Variants in ALCAM observed in about 807,000 individuals in gnomAD.
ALCAM encodes CD166 antigen.
Under a neutral mutation model 70.9 loss-of-function variants are expected in ALCAM, and 30 were observed. That is an observed-to-expected ratio of 0.42 (90% CI 0.32 to 0.57). The LOEUF (loss-of-function observed/expected upper bound fraction) is 0.57. Ranked by LOEUF, ALCAM falls within the 20% of genes least tolerant of loss-of-function variation. The pLI is 0.11. For missense variants in ALCAM, 591 were observed against 695.1 expected, an observed-to-expected ratio of 0.85 and a Z score of 1.68; for synonymous variants, 249 against 242.5, an observed-to-expected ratio of 1.03 and a Z score of -0.25.
At chr3:105,473,775 A>G (rs1205482101) in intron 1 of ALCAM, among the ~76,000 whole-genome samples, 3 of 151,590 alleles carry the variant, frequency 2.0e-5, no homozygotes, top group African/African-American at 4.8e-5. Flanking sequence ...GGCACATTCC[A>G]TCTTCTACAC....
Position 105,547,174 on chromosome 3 carries a change from C to T in ALCAM, c.1130C>T (p.Pro377Leu), listed in dbSNP as rs374209704. 5 of 1,600,788 alleles carry T rather than the reference C, an allele frequency of 3.1e-6. No individual in the cohort carries two copies. The highest frequency in any genetic ancestry group is 1.4e-5 in the African/African-American group (1 of 73,886). ...GATAACATCAGGCTTCGATCTAGCC[C>T]GTCATTTTCTAGTCTTCATTATCAG... is the stretch of plus-strand genomic sequence containing the variant. ...MKDNIRLRSS[P>L]SFSSLHYQDA... The change falls in exon 10 of 16, where the codon CCG (proline) becomes CTG (leucine). Residue 377 changes from proline (P) to leucine (L), a missense_variant. Around this residue, in one of 2 missense-constraint regions of ALCAM, gnomAD observed 164 missense variants for 244.7 expected, o/e 0.67. Transcript: ENST00000306107.
chr3:105,495,051 C>G (rs574170141), intron 1 of ALCAM, among the ~76,000 whole-genome samples: 1 of 152,302 alleles, frequency 6.6e-6, no homozygotes, highest in South Asian at 2.1e-4. Context: ...TCTTGGTGCA[C>G]TAAAGCCTAA....
intron 14 of ALCAM, chr3:105,553,194 C>T: frequency 2.6e-6 from 2 of 771,972 alleles, no homozygotes; most frequent in Non-Finnish European, 3.1e-6. Flanking sequence ...TATGATATTA[C>T]AGATAGTATG....
chr3:105,566,342 C>T (rs917501148), intron 14 of ALCAM, among the ~76,000 whole-genome samples: 1 of 152,046 alleles, frequency 6.6e-6, no homozygotes, highest in African/African-American at 2.4e-5. Context: ...TTTATTTCTC[C>T]CTTCAGTTCT....
chr3:105,403,326 AG>A (rs374489892), intron 1 of ALCAM, among the ~76,000 whole-genome samples: 42 of 152,250 alleles, frequency 2.8e-4, no homozygotes, highest in African/African-American at 9.9e-4. Flanking sequence ...AAACACAACC[AG>A]GGACCCTTAT....
chr3:105,523,599 G>A (rs1190031424), intron 2 of ALCAM, among the ~76,000 whole-genome samples: 1 of 152,194 alleles, frequency 6.6e-6, no homozygotes, highest in Non-Finnish European at 1.5e-5. Context: ...TGCGTTATAT[G>A]TCTCAGTGCT....
chr3:105,444,217 G>A (rs1376052373), intron 1 of ALCAM, among the ~76,000 whole-genome samples: 1 of 152,180 alleles, frequency 6.6e-6, no homozygotes, highest in Non-Finnish European at 1.5e-5. Flanking sequence ...CTGCTATAAA[G>A]AAATACCCAA....
intron 1 of ALCAM, among the ~76,000 whole-genome samples, chr3:105,498,520 T>C (rs1226428674): frequency 6.6e-6 from 1 of 151,974 alleles, no homozygotes; most frequent in Non-Finnish European, 1.5e-5. Context: ...TGTGTGTGTG[T>C]TTTAATCATC....
At chr3:105,414,026 T>C (rs1936450242) in intron 1 of ALCAM, among the ~76,000 whole-genome samples, 2 of 152,278 alleles carry the variant, frequency 1.3e-5, no homozygotes, top group Non-Finnish European at 1.5e-5. Flanking sequence ...GATATAGTTC[T>C]GCTACTTAGT....
At chr3:105,567,660 T>G (rs1940772225) in intron 14 of ALCAM, among the ~76,000 whole-genome samples, 1 of 152,206 alleles carries the variant, frequency 6.6e-6, no homozygotes, top group South Asian at 2.1e-4. Flanking sequence ...CTGCTGATAT[T>G]TCCATCTGCT....
intron 11 of ALCAM, among the ~76,000 whole-genome samples, chr3:105,548,626 T>C (rs1940312383): frequency 6.6e-6 from 1 of 151,372 alleles, no homozygotes; most frequent in Admixed American, 6.6e-5. Context: ...TAACTCTAGA[T>C]ATGGAAAGCC....
intron 3 of ALCAM, chr3:105,524,794 G>A: frequency 8.8e-7 from 1 of 1,137,526 alleles, no homozygotes. Context: ...TAACTAGCAG[G>A]TGATCTTAAT....
chr3:105,457,897 A>C (rs1937554625), intron 1 of ALCAM, among the ~76,000 whole-genome samples: 1 of 152,126 alleles, frequency 6.6e-6, no homozygotes. Context: ...TTTTGAAAAC[A>C]CTGTTCAAAA....
At chr3:105,490,184 T>A (rs1281566000) in intron 1 of ALCAM, among the ~76,000 whole-genome samples, 2 of 152,234 alleles carry the variant, frequency 1.3e-5, no homozygotes, top group African/African-American at 4.8e-5. Flanking sequence ...GTCTTCCTTA[T>A]TGAGGCATTG....
chr3:105,574,395 T>C (rs1576250449), intron 15 of ALCAM, 82 bp from the exon 16 acceptor site: 1 of 152,206 alleles, frequency 6.6e-6, no homozygotes, highest in East Asian at 1.9e-4. Context: ...ATTTACTAAA[T>C]TACTTTTAGT....
chr3:105,552,221 A>G, intron 13 of ALCAM, 39 bp downstream of exon 13: 1 of 1,558,228 alleles, frequency 6.4e-7, no homozygotes, highest in Non-Finnish European at 8.7e-7. Flanking sequence ...CTTGACTATC[A>G]GCTCAAGATT....
chr3:105,387,938 A>G (rs1303908357), intron 1 of ALCAM, among the ~76,000 whole-genome samples: 1 of 151,496 alleles, frequency 6.6e-6, no homozygotes, highest in Non-Finnish European at 1.5e-5. Flanking sequence ...TCTTTTTTTA[A>G]TATTTGCACT....
chr3:105,415,124 G>A (rs1936477020), intron 1 of ALCAM, among the ~76,000 whole-genome samples: 1 of 152,094 alleles, frequency 6.6e-6, no homozygotes, highest in South Asian at 2.1e-4. Context: ...TAGAGCACAT[G>A]TTGGAAGAGT....
intron 1 of ALCAM, among the ~76,000 whole-genome samples, chr3:105,435,250 T>C (rs1245433431): frequency 6.6e-6 from 1 of 152,226 alleles, no homozygotes; most frequent in African/African-American, 2.4e-5. Context: ...GTCATACCTA[T>C]AGTCAGCAGT....
Sources: gnomAD v4.1 joint callset for allele counts (sites outside exome capture counted in the v4.1 genomes callset) on GRCh38, gnomAD v4.1.1 for gene constraint, gnomAD v4.1.1 regional missense constraint, MANE v1.5 for transcripts, NCBI Gene and HGNC (gene_info 2026-07-23, HGNC 2026-07-21) for gene names.